The following LRP5 variants were observed in gnomAD, a reference collection of about 807,000 sequenced individuals.
The protein encoded by LRP5 is LDL receptor related protein 5.
Under a neutral mutation model 154.1 loss-of-function variants are expected in LRP5, and 62 were observed. The observed-to-expected ratio is 0.40, with a 90% confidence interval of 0.33 to 0.50. The LOEUF (loss-of-function observed/expected upper bound fraction) is 0.50. Ranked by LOEUF, LRP5 falls within the 20% of genes least tolerant of loss-of-function variation. LRP5 has a pLI of 0.55. For synonymous variants in LRP5, 966 were observed against 1,011.5 expected (o/e 0.96, Z 0.85); for missense variants, 1,915 against 2,336.7 (o/e 0.82, Z 3.72).
chr11:68,442,900 T>A (rs1423328663), intron 21 of LRP5, among the ~76,000 whole-genome samples: 7 of 152,170 alleles, frequency 4.6e-5, no homozygotes. Context: ...TTTGTTCTGT[T>A]TTGAGGACAC....
chr11:68,437,288 G>A (rs556242870), intron 19 of LRP5, among the ~76,000 whole-genome samples: 8 of 152,378 alleles, frequency 5.3e-5, no homozygotes, highest in East Asian at 3.9e-4. Context: ...GCTGAGCAGC[G>A]TCTGTCAGGC....
At chr11:68,357,538 G>A in intron 2 of LRP5, 112 bp from the exon 3 acceptor site, 1 of 977,850 alleles carries the variant, frequency 1.0e-6, no homozygotes, top group Admixed American at 2.0e-5. Flanking sequence ...ATTTCCGATG[G>A]GTGAGATTTT....
intron 1 of LRP5, among the ~76,000 whole-genome samples, chr11:68,336,477 T>A (rs1045157714): frequency 2.6e-5 from 4 of 152,174 alleles, no homozygotes; most frequent in Non-Finnish European, 5.9e-5. Flanking sequence ...TATTTTATTT[T>A]ATTTTTTTGA....
intron 1 of LRP5, among the ~76,000 whole-genome samples, chr11:68,342,918 C>T (rs1807000842): frequency 6.6e-6 from 1 of 152,244 alleles, no homozygotes; most frequent in Admixed American, 6.5e-5. Flanking sequence ...GAGCTCCTGC[C>T]TCCCTCGGCT....
At chr11:68,383,188 A>G (rs2098641216) in intron 5 of LRP5, among the ~76,000 whole-genome samples, 1 of 152,026 alleles carries the variant, frequency 6.6e-6, no homozygotes, top group Non-Finnish European at 1.5e-5. Context: ...TACTTTAGTG[A>G]TTTCTTAGGA....
intron 1 of LRP5, among the ~76,000 whole-genome samples, chr11:68,336,641 G>A (rs1226145786): frequency 1.3e-5 from 2 of 152,052 alleles, no homozygotes; most frequent in African/African-American, 2.4e-5. Flanking sequence ...GCTAATTTTT[G>A]TATTTTTAAT....
At chr11:68,417,449 C>CTTTTTTGTTTTTT (rs2098663204) in intron 13 of LRP5, among the ~76,000 whole-genome samples, 1 of 41,598 alleles carries the variant, frequency 2.4e-5, no homozygotes, top group African/African-American at 1.1e-4. Flanking sequence ...AACAGATTGG[C>CTTTTTTGTTTTTT]TTTTTTTTTT....
At chr11:68,310,989 G>A (rs1383438280), upstream of LRP5, among the ~76,000 whole-genome samples, 6 of 151,956 alleles carry the variant, frequency 3.9e-5, no homozygotes, top group Admixed American at 6.6e-5. Flanking sequence ...CAGCCCTCAC[G>A]AGCCCTGGAG....
chr11:68,328,701 C>T (rs1209625840), intron 1 of LRP5, among the ~76,000 whole-genome samples: 1 of 152,222 alleles, frequency 6.6e-6, no homozygotes, highest in African/African-American at 2.4e-5. Context: ...TGGATCCGTG[C>T]GTTTGCTGTG....
At chr11:68,307,941 A>G (rs1299393778), upstream of LRP5, among the ~76,000 whole-genome samples, 2 of 152,252 alleles carry the variant, frequency 1.3e-5, no homozygotes, top group East Asian at 3.8e-4. Context: ...TTGAATGCAG[A>G]AACTGAGGCC....
At chr11:68,406,937 C>T (rs2098656049) in intron 9 of LRP5, 124 bp downstream of exon 9, 1 of 982,516 alleles carries the variant, frequency 1.0e-6, no homozygotes, top group African/African-American at 1.6e-5. Flanking sequence ...GCAGTTCAAG[C>T]TAATCAAATA....
chr11:68,346,237 C>T (rs1050949762), intron 1 of LRP5, among the ~76,000 whole-genome samples: 1 of 152,316 alleles, frequency 6.6e-6, no homozygotes, highest in East Asian at 1.9e-4. Flanking sequence ...TCACAGTGTC[C>T]CTCGTTGCCA....
intron 10 of LRP5, 77 bp from the exon 11 acceptor site, chr11:68,411,358 GT>G: frequency 6.7e-7 from 1 of 1,496,650 alleles, no homozygotes; most frequent in East Asian, 2.3e-5. Flanking sequence ...GGTGGGGACA[GT>G]TGCGTCCCCC....
At chr11:68,317,520 C>A (rs2098594122) in intron 1 of LRP5, among the ~76,000 whole-genome samples, 1 of 152,200 alleles carries the variant, frequency 6.6e-6, no homozygotes, top group Non-Finnish European at 1.5e-5. Flanking sequence ...CTGGTCCTAT[C>A]CGTTCCCTAC....
chr11:68,359,192 C>G (rs2098625649), intron 3 of LRP5, among the ~76,000 whole-genome samples: 1 of 152,156 alleles, frequency 6.6e-6, no homozygotes, highest in African/African-American at 2.4e-5. Context: ...AGGGTATGAC[C>G]TGAGGGTACA....
chr11:68,392,531 A>T (rs577168995), intron 7 of LRP5, among the ~76,000 whole-genome samples: 449 of 152,202 alleles, frequency 3.0e-3, no homozygotes, highest in Non-Finnish European at 3.7e-3. Context: ...AAAAAATTTT[A>T]AAAAGTGAAC....
At chr11:68,310,008 C>T (rs1017218264), upstream of LRP5, among the ~76,000 whole-genome samples, 3 of 152,234 alleles carry the variant, frequency 2.0e-5, no homozygotes, top group Non-Finnish European at 4.4e-5. Context: ...GGTACGGGCA[C>T]AGGAAACACA....
At chr11:68,352,072 G>T (rs529126281) in intron 2 of LRP5, among the ~76,000 whole-genome samples, 2 of 152,302 alleles carry the variant, frequency 1.3e-5, no homozygotes, top group East Asian at 3.9e-4. Flanking sequence ...CGTGCTGGAA[G>T]GCATCCCCTG....
Position 68,413,890 on chromosome 11 carries a change from G to A in LRP5, c.2705G>A (p.Gly902Asp). Reference protein sequence around the residue: ...ILVFHSSRQDGLNDCMHNNGQ... With the variant: ...ILVFHSSRQDDLNDCMHNNGQ... ...GTGTTCCACTCCTCCCGCCAGGATG[G>A]CCTCAATGACTGTATGCACAACAAC... Residue 902 changes from glycine (G) to aspartate (D), a missense_variant, in exon 12 of 23, where the codon GGC becomes GAC. Around this residue, in one of 3 missense-constraint regions of LRP5, gnomAD observed 1,094 missense variants for 1,210.1 expected, o/e 0.90. Coordinates refer to ENST00000294304, the MANE Select transcript of LRP5 (RefSeq NM_002335.4). This position sits in a 1 kb window ranked among gnomAD's most constrained non-coding sequence, Gnocchi z 5.1. The A allele has an allele frequency of 6.2e-7, 1 of 1,613,024 alleles. No homozygotes were observed.
Sources: gnomAD v4.1 joint callset for allele counts (sites outside exome capture counted in the v4.1 genomes callset) on GRCh38, gnomAD v4.1.1 for gene constraint, gnomAD v4.1.1 regional missense constraint, Gnocchi (gnomAD v3.1) non-coding constraint, MANE v1.5 for transcripts, NCBI Gene and HGNC (gene_info 2026-07-23, HGNC 2026-07-21) for gene names.